The following CCDC81 variants were observed in gnomAD, a reference collection of about 807,000 sequenced individuals.
CCDC81 encodes coiled-coil domain containing 81.
CCDC81 carries 79 observed loss-of-function variants against 83.7 expected under a neutral mutation model. The ratio of observed to expected loss-of-function variants is 0.94; its 90% CI spans 0.79 to 1.14. CCDC81 has a LOEUF of 1.14. CCDC81 is among the 50% of genes most tolerant of loss of function. The pLI, the probability that CCDC81 is intolerant of heterozygous loss-of-function variation, is 0.00. For missense variants in CCDC81, 791 were observed against 778.1 expected (o/e 1.02, Z -0.20); for synonymous variants, 252 against 278.1 (o/e 0.91, Z 0.93).
intron 11 of CCDC81, among the ~76,000 whole-genome samples, chr11:86,413,170 C>T (rs773704658): frequency 1.1e-4 from 16 of 151,496 alleles, no homozygotes; most frequent in Non-Finnish European, 2.4e-4. Flanking sequence ...CCAAACTCCA[C>T]GTCATTCCAC....
At chr11:86,404,306 A>G (rs950103978) in intron 7 of CCDC81, among the ~76,000 whole-genome samples, 2 of 152,208 alleles carry the variant, frequency 1.3e-5, no homozygotes, top group African/African-American at 4.8e-5. Flanking sequence ...CTGAGAGCCA[A>G]ATCTAGTCCA....
chr11:86,390,188 G>A (rs1593914712), intron 3 of CCDC81, among the ~76,000 whole-genome samples: 3 of 152,300 alleles, frequency 2.0e-5, no homozygotes, highest in African/African-American at 4.8e-5. Context: ...ATGCTATGAC[G>A]CCCGGAGGAC....
Position 86,392,752 on chromosome 11 carries a change from T to C in CCDC81, c.510T>C (p.Leu170=). Residue 170 remains leucine (L), a synonymous_variant, in exon 4 of 15, where the codon CTT becomes CTC. Coordinates refer to ENST00000445632, the MANE Select transcript of CCDC81 (RefSeq NM_001156474.2). ...KVKMRFYKDF[L]CTMDGSGALA... ...AGATGAGGTTTTATAAAGACTTCCT[T>C]TGTACCATGGATGGAAGTGGGGCTT... 1 of 1,551,672 alleles carries C rather than the reference T, an allele frequency of 6.4e-7. No homozygotes were observed. The highest frequency in any genetic ancestry group is 8.7e-7 in the Non-Finnish European group (1 of 1,146,964).
At chr11:86,397,439 A>G (rs950064705) in intron 5 of CCDC81, among the ~76,000 whole-genome samples, 182 bp from the exon 6 acceptor site, 4 of 152,236 alleles carry the variant, frequency 2.6e-5, no homozygotes, top group Admixed American at 2.6e-4. Context: ...GTCAGCTTCC[A>G]GAAAGCCTTG....
At chr11:86,392,497 T>C (rs1169911546) in intron 3 of CCDC81, 44 bp from the exon 4 acceptor site, 1 of 1,540,084 alleles carries the variant, frequency 6.5e-7, no homozygotes, top group Admixed American at 2.0e-5. Context: ...CTTATGGTAA[T>C]CACCACTTTC....
At chr11:86,413,016 A>C (rs1023305459) in intron 11 of CCDC81, among the ~76,000 whole-genome samples, 2 of 152,090 alleles carry the variant, frequency 1.3e-5, no homozygotes, top group African/African-American at 4.8e-5. Flanking sequence ...TACCAGAAGA[A>C]TTGGATCACA....
chr11:86,406,376 T>C (rs184246644), intron 7 of CCDC81, among the ~76,000 whole-genome samples: 6 of 152,372 alleles, frequency 3.9e-5, no homozygotes, highest in Non-Finnish European at 8.8e-5. Context: ...TTAGGAGTCA[T>C]GATTTTCTGG....
Position 86,386,057 on chromosome 11 carries a change from C to G in CCDC81, c.86C>G (p.Ser29Cys). Residue 29 changes from serine (S) to cysteine (C), a missense_variant, in exon 2 of 15, where the codon TCT (serine) becomes TGT (cysteine). Ser to Cys is a moderately radical substitution (Grantham distance 112). Coordinates refer to ENST00000445632, the MANE Select transcript of CCDC81 (RefSeq NM_001156474.2). ...TLPSLSQEEV[S>C]IIWGNVSEFV... is the part of the protein sequence containing the mutation. ...GGTTACTTTTGAATTTCAGAAGTCT[C>G]TATTATCTGGGGGAATGTATCAGAA... The G allele has an allele frequency of 6.6e-7, 1 of 1,525,584 alleles. No homozygotes were observed. The highest frequency in any genetic ancestry group is 8.9e-7 in the Non-Finnish European group (1 of 1,121,216). The allele number at this position is 1,525,584 out of a possible 1,614,324, so 94.5% of individuals were successfully genotyped here. A position where few individuals can be genotyped will look rare whatever the true frequency, so the allele number is the denominator to read the frequency against.
intron 4 of CCDC81, among the ~76,000 whole-genome samples, chr11:86,394,313 T>C (rs1040521818): frequency 1.3e-5 from 2 of 152,164 alleles, no homozygotes; most frequent in South Asian, 2.1e-4. Flanking sequence ...AAAAATACTC[T>C]ATGAAAAAAG....
chr11:86,414,825 G>A lies in CCDC81; in HGVS notation c.1428G>A (p.Lys476=), dbSNP rs370433645. Reference sequence around the variant, plus strand: ...AAAGAGCGAAATTTTTAAAAGATAAGATGGAAGAAACACAGTGTTACAAGA... The same window carrying A: ...AAAGAGCGAAATTTTTAAAAGATAAAATGGAAGAAACACAGTGTTACAAGA... The part of the protein sequence containing the change: ...AAQRAKFLKD[K]MEETQCYKRA... The change falls in exon 12 of 15, where the codon AAG becomes AAA. Residue 476 remains lysine (K), a synonymous_variant. Coordinates refer to ENST00000445632, the MANE Select transcript of CCDC81 (RefSeq NM_001156474.2). 13 of 1,612,080 alleles carry A rather than the reference G, an allele frequency of 8.1e-6. No homozygotes were observed. Among genetic ancestry groups the A allele is most frequent in the South Asian group, 1.1e-5 (1 of 90,308 alleles).
chr11:86,410,097 G>A (rs899377379), intron 10 of CCDC81, among the ~76,000 whole-genome samples: 1 of 152,172 alleles, frequency 6.6e-6, no homozygotes, highest in Admixed American at 6.5e-5. Context: ...ATTTGTATTT[G>A]CATTAATGTT....
chr11:86,412,723 C>T (rs553854075), intron 11 of CCDC81, among the ~76,000 whole-genome samples, 164 bp downstream of exon 11: 132 of 152,358 alleles, frequency 8.7e-4, no homozygotes, highest in Non-Finnish European at 1.4e-3. Flanking sequence ...AAAGTTCCCT[C>T]GTCCCCCTCG....
intron 3 of CCDC81, among the ~76,000 whole-genome samples, chr11:86,388,184 C>CCCTCCTTT (rs1565759416): frequency 4.5e-5 from 6 of 132,726 alleles, no homozygotes; most frequent in African/African-American, 1.1e-4. Flanking sequence ...CTCCCTCCCT[C>CCCTCCTTT]CCTCCTTTCC....
At chr11:86,406,286 G>C (rs915398254) in intron 7 of CCDC81, among the ~76,000 whole-genome samples, 1 of 152,066 alleles carries the variant, frequency 6.6e-6, no homozygotes, top group Non-Finnish European at 1.5e-5. Flanking sequence ...CTGATGCAAC[G>C]TCCGAATCAA....
chr11:86,387,112 A>G (rs1948253052), intron 2 of CCDC81, among the ~76,000 whole-genome samples: 1 of 152,242 alleles, frequency 6.6e-6, no homozygotes, highest in Non-Finnish European at 1.5e-5. Context: ...GCAGACATAA[A>G]ATCTAAAAGT....
At chr11:86,409,216 T>C in intron 9 of CCDC81, 45 bp from the exon 10 acceptor site, 1 of 1,017,264 alleles carries the variant, frequency 9.8e-7, no homozygotes, top group South Asian at 2.4e-5. Flanking sequence ...CTTCAATATG[T>C]AATTTAAAAT....
intron 14 of CCDC81, among the ~76,000 whole-genome samples, chr11:86,422,108 T>C (rs1948799289): frequency 6.6e-6 from 1 of 152,240 alleles, no homozygotes; most frequent in Non-Finnish European, 1.5e-5. Context: ...CAGAGGCTTC[T>C]GGCCTCCTGG....
chr11:86,375,301 G>A, intron 1 of CCDC81, 59 bp downstream of exon 1: 4 of 1,444,862 alleles, frequency 2.8e-6, no homozygotes, highest in African/African-American at 2.8e-5. Context: ...CTGCTTGCAG[G>A]GGAGGCGGGG....
chr11:86,393,178 T>C (rs1948358839), intron 4 of CCDC81, among the ~76,000 whole-genome samples: 1 of 152,180 alleles, frequency 6.6e-6, no homozygotes, highest in Non-Finnish European at 1.5e-5. Context: ...TTCTCCTGCC[T>C]CAGCCTCTCA....
Sources: gnomAD v4.1 joint callset for allele counts (sites outside exome capture counted in the v4.1 genomes callset) on GRCh38, gnomAD v4.1.1 for gene constraint, MANE v1.5 for transcripts, NCBI Gene and HGNC (gene_info 2026-07-23, HGNC 2026-07-21) for gene names.